The following DGAT2L6 variants were observed in gnomAD, a reference collection of about 807,000 sequenced individuals.
DGAT2L6 encodes the protein diacylglycerol O-acyltransferase 2-like protein 6.
Under a neutral mutation model 25.5 loss-of-function variants are expected in DGAT2L6, and 22 were observed. The ratio of observed to expected loss-of-function variants is 0.86; its 90% CI spans 0.62 to 1.23. The LOEUF (loss-of-function observed/expected upper bound fraction) is 1.23, where lower values mean the gene tolerates loss of function less well. Ranked by LOEUF, DGAT2L6 falls within the 50% of genes most tolerant of loss-of-function variation. The pLI, the probability that DGAT2L6 is intolerant of heterozygous loss-of-function variation, is 0.00. For synonymous variants in DGAT2L6, 100 were observed against 94.7 expected, an observed-to-expected ratio of 1.06 and a Z score of -0.32; for missense variants, 287 against 253.2, an observed-to-expected ratio of 1.13 and a Z score of -0.91.
chrX:70,196,497 A>AAAAG (rs2085391848), intron 1 of DGAT2L6, among the ~76,000 whole-genome samples: 2 of 106,174 alleles, frequency 1.9e-5, no homozygotes, highest in East Asian at 5.7e-4. Flanking sequence ...AAAAAAAAAA[A>AAAAG]AAAAAGAAAG....
chrX:70,181,625 T>C (rs997464516), intron 1 of DGAT2L6, among the ~76,000 whole-genome samples: 2 of 111,928 alleles, frequency 1.8e-5, no homozygotes, highest in Admixed American at 9.5e-5. Context: ...GCCTCCTTAC[T>C]ATCTAGTAAC....
intron 1 of DGAT2L6, among the ~76,000 whole-genome samples, chrX:70,182,656 T>C (rs1160125760): frequency 9.5e-6 from 1 of 104,834 alleles, no homozygotes; most frequent in African/African-American, 3.5e-5. Context: ...ATTTTTTGTT[T>C]GTTTGTTTTT....
At chrX:70,181,513 C>G (rs931322137) in intron 1 of DGAT2L6, among the ~76,000 whole-genome samples, 2 of 112,350 alleles carry the variant, frequency 1.8e-5, no homozygotes, top group African/African-American at 3.2e-5. Flanking sequence ...GGGCGTGATG[C>G]CCACAGAGGT....
At chrX:70,185,169 C>T (rs1434050788) in intron 1 of DGAT2L6, among the ~76,000 whole-genome samples, 2 of 111,262 alleles carry the variant, frequency 1.8e-5, no homozygotes, top group East Asian at 5.7e-4. Flanking sequence ...TGTGTTTTTG[C>T]AGGTAATGAT....
At chrX:70,202,213 G>T (rs954378002) in intron 5 of DGAT2L6, 149 bp downstream of exon 5, 3 of 474,369 alleles carry the variant, frequency 6.3e-6, no homozygotes, top group Non-Finnish European at 9.4e-6. Context: ...TGTGCCTTAG[G>T]GATGTTTGGG....
In DGAT2L6 at chrX:70,204,977, G is replaced by A. The variant is rs763884864; in HGVS notation, c.885G>A (p.Arg295=). ...TVVGEPLPIP[R]IKRPNQKTVD... is the part of the protein sequence containing the mutation. ...TTGGGGAACCCCTTCCAATTCCCAG[G>A]ATTAAGAGGCCAAACCAGAAGACAG... The change falls in exon 7 of 7, where the codon AGG becomes AGA. Residue 295 remains arginine (R), a synonymous_variant. Transcript: ENST00000333026. 10 of 1,189,333 alleles carry A rather than the reference G, an allele frequency of 8.4e-6. No individual in the cohort carries two copies. Among genetic ancestry groups the A allele is most frequent in the Non-Finnish European group, 1.0e-5 (9 of 887,868 alleles).
chrX:70,200,568 T>A (rs1331029607), intron 4 of DGAT2L6, 109 bp downstream of exon 4: 67 of 726,772 alleles, frequency 9.2e-5, no homozygotes, highest in Admixed American at 3.5e-4. Flanking sequence ...AGAAAATAAG[T>A]CCAGGACACC....
At chrX:70,199,195 G>A in intron 1 of DGAT2L6, 76 bp from the exon 2 acceptor site, 2 of 631,860 alleles carry the variant, frequency 3.2e-6, no homozygotes, top group Non-Finnish European at 4.9e-6. Flanking sequence ...GTAGTGTAGA[G>A]CAGAGGCCGG....
In DGAT2L6 at chrX:70,199,857, A is replaced by G; in HGVS notation, c.242A>G (p.Tyr81Cys). ...AWVRNWTLWK[Y>C]FRNYFPVKLV... ...GTACGAAACTGGACCCTATGGAAGTATTTCCGAAATTACTTCCCAGTAAAG... is the reference window on the plus strand; with the variant it reads ...GTACGAAACTGGACCCTATGGAAGTGTTTCCGAAATTACTTCCCAGTAAAG... The change falls in exon 3 of 7, where the codon TAT becomes TGT. Residue 81 changes from tyrosine to cysteine, a missense_variant. By Grantham distance (194) the Tyr-to-Cys change is radical (BLOSUM62 -2). Transcript: ENST00000333026. The G allele has an allele frequency of 8.3e-7, 1 of 1,210,606 alleles. No homozygotes were observed. Among genetic ancestry groups the G allele is most frequent in the Non-Finnish European group, 1.1e-6 (1 of 895,126 alleles).
chrX:70,189,527 C>T (rs2147605087), intron 1 of DGAT2L6, among the ~76,000 whole-genome samples: 1 of 111,709 alleles, frequency 9.0e-6, no homozygotes, highest in African/African-American at 3.2e-5. Flanking sequence ...AGATTCAACA[C>T]AGTAAAGATG....
At chrX:70,187,896 C>T (rs780942220) in intron 1 of DGAT2L6, among the ~76,000 whole-genome samples, 6 of 112,095 alleles carry the variant, frequency 5.4e-5, no homozygotes, top group Admixed American at 4.7e-4. Context: ...TGGGGTAAGA[C>T]AATCTTGGTT....
Position 70,199,812 on chromosome X carries a change from G to A in DGAT2L6, c.197G>A (p.Gly66Asp). The A allele has an allele frequency of 8.3e-7, 1 of 1,210,618 alleles. No homozygotes were observed. Among genetic ancestry groups the A allele is most frequent in the Non-Finnish European group, 1.1e-6 (1 of 894,774 alleles). Reference protein sequence around the residue: ...LTYDWNTHSQGGRRSAWVRNW... With the variant: ...LTYDWNTHSQDGRRSAWVRNW... Reference sequence around the variant, plus strand: ...CTTCCCTTCCCTTCTGTACCCACAGGTGGCAGGCGTTCAGCTTGGGTACGA... The same window carrying A: ...CTTCCCTTCCCTTCTGTACCCACAGATGGCAGGCGTTCAGCTTGGGTACGA... Residue 66 changes from glycine (G) to aspartate (D), a missense_variant and splice_region_variant, in exon 3 of 7, where the codon GGT (glycine) becomes GAT (aspartate). Coordinates refer to ENST00000333026, the MANE Select transcript of DGAT2L6 (RefSeq NM_198512.3).
At position 70,200,352 on chromosome X, in the gene DGAT2L6, C is replaced by CT; in HGVS notation, c.366dup (p.Glu123Ter). The CT allele has an allele frequency of 8.3e-7, 1 of 1,210,887 alleles. No individual in the cohort carries two copies. Among genetic ancestry groups the CT allele is most frequent in the Non-Finnish European group, 1.1e-6 (1 of 894,490 alleles). ...TTTGGTGTCTTCATCAACTTTGCCA[C>CT]TGAGGCCACTGGCATTGCTCGGATT... On this transcript the variant is annotated frameshift_variant, in exon 4 of 7. Coordinates refer to ENST00000333026, the MANE Select transcript of DGAT2L6 (RefSeq NM_198512.3). LOFTEE classifies it high-confidence loss of function.
chrX:70,183,810 C>T (rs1015457110), intron 1 of DGAT2L6, among the ~76,000 whole-genome samples: 6 of 108,761 alleles, frequency 5.5e-5, no homozygotes, highest in South Asian at 4.1e-4. Context: ...GTGGGAGGAT[C>T]GCTCGAGCCT....
At chrX:70,195,850 A>T (rs1215366835) in intron 1 of DGAT2L6, among the ~76,000 whole-genome samples, 1 of 112,141 alleles carries the variant, frequency 8.9e-6, no homozygotes, top group East Asian at 2.8e-4. Flanking sequence ...ACAAAATTTC[A>T]GTTACAAAAA....
At chrX:70,192,587 T>C (rs2085378616) in intron 1 of DGAT2L6, among the ~76,000 whole-genome samples, 1 of 111,822 alleles carries the variant, frequency 8.9e-6, no homozygotes, top group Admixed American at 9.5e-5. Context: ...AATCAAAAAG[T>C]ATCTTGAGGC....
rs761274797 is a variant in DGAT2L6 at position 70,200,234 on chromosome X, G to T, written c.268-21G>T. ...CTTCCTTCTTTGTAGCCAATGCTCTGACTCAATTTCCCTCTAACAGCTGGT... is the reference window on the plus strand; with the variant it reads ...CTTCCTTCTTTGTAGCCAATGCTCTTACTCAATTTCCCTCTAACAGCTGGT... On this transcript the variant is annotated intron_variant, in intron 3 of 6. Coordinates refer to ENST00000333026, the MANE Select transcript of DGAT2L6 (RefSeq NM_198512.3). 7.5e-6 allele frequency: 9 copies of T among 1,199,493 alleles called. No individual in the cohort carries two copies. The South Asian group carries it at 1.6e-4, about 21-fold the overall frequency.
At chrX:70,187,753 C>T (rs1346553466) in intron 1 of DGAT2L6, among the ~76,000 whole-genome samples, 1 of 112,005 alleles carries the variant, frequency 8.9e-6, no homozygotes, top group Non-Finnish European at 1.9e-5. Context: ...ATAATGGTGG[C>T]TTTGACCAAG....
At chrX:70,184,379 C>T (rs1033031661) in intron 1 of DGAT2L6, among the ~76,000 whole-genome samples, 25 of 111,253 alleles carry the variant, frequency 2.2e-4, no homozygotes, top group Non-Finnish European at 1.1e-4. Flanking sequence ...CTGAGGCAGA[C>T]ACCTTAGACA....
Sources: gnomAD v4.1 joint callset for allele counts (sites outside exome capture counted in the v4.1 genomes callset) on GRCh38, gnomAD v4.1.1 for gene constraint, MANE v1.5 for transcripts, NCBI Gene and HGNC (gene_info 2026-07-23, HGNC 2026-07-21) for gene names.